CNTNAP5: variants seen among roughly 807,000 people sequenced by gnomAD.
CNTNAP5 encodes the protein contactin associated protein family member 5.
In CNTNAP5, 72 loss-of-function variants were observed where a neutral mutation model predicts 150.2. That is an observed-to-expected ratio of 0.48 (90% CI 0.40 to 0.58). CNTNAP5 has a LOEUF of 0.58. Ranked by LOEUF, CNTNAP5 falls within the 20% of genes least tolerant of loss-of-function variation. The pLI, the probability that CNTNAP5 is intolerant of heterozygous loss-of-function variation, is 0.00. For missense variants in CNTNAP5, 1,636 were observed against 1,626.2 expected (o/e 1.01, Z -0.10); for synonymous variants, 672 against 619.8 (o/e 1.08, Z -1.25).
chr2:124,156,755 C>T (rs1412642078), intron 1 of CNTNAP5, among the ~76,000 whole-genome samples: 1 of 152,158 alleles, frequency 6.6e-6, no homozygotes, highest in Non-Finnish European at 1.5e-5. Flanking sequence ...TCCCAAAGTG[C>T]TGGGATTACA....
chr2:124,501,356 A>C (rs1015549953), intron 7 of CNTNAP5, among the ~76,000 whole-genome samples: 1 of 152,232 alleles, frequency 6.6e-6, no homozygotes, highest in Non-Finnish European at 1.5e-5. Flanking sequence ...AATGGAATTA[A>C]ACATACAGAG....
At chr2:124,880,158 G>T (rs981331499) in intron 21 of CNTNAP5, among the ~76,000 whole-genome samples, 1 of 152,118 alleles carries the variant, frequency 6.6e-6, no homozygotes, top group Non-Finnish European at 1.5e-5. Flanking sequence ...ATAACGTAAA[G>T]CTCACTGTCA....
chr2:124,088,299 G>A (rs76522714), intron 1 of CNTNAP5, among the ~76,000 whole-genome samples: 14,694 of 151,766 alleles, frequency 0.097, 769 homozygotes, highest in Non-Finnish European at 0.12. Context: ...TTTATCTTCT[G>A]TTTATTTGCT....
intron 6 of CNTNAP5, among the ~76,000 whole-genome samples, chr2:124,460,322 A>C (rs1275656640): frequency 1.3e-5 from 2 of 152,226 alleles, no homozygotes; most frequent in Non-Finnish European, 2.9e-5. Context: ...TACTCCATCC[A>C]GAAAAGTACT....
intron 1 of CNTNAP5, among the ~76,000 whole-genome samples, chr2:124,181,726 A>G (rs1685213513): frequency 6.6e-6 from 1 of 152,204 alleles, no homozygotes; most frequent in Non-Finnish European, 1.5e-5. Flanking sequence ...AATAGAAATC[A>G]TGTATCTCCT....
At chr2:124,342,833 A>G (rs922350663) in intron 3 of CNTNAP5, among the ~76,000 whole-genome samples, 5 of 148,542 alleles carry the variant, frequency 3.4e-5, no homozygotes, top group Non-Finnish European at 7.5e-5. Flanking sequence ...TTCAAACAGA[A>G]AGTTGTAAAA....
intron 11 of CNTNAP5, among the ~76,000 whole-genome samples, chr2:124,591,166 G>C (rs1319083048): frequency 6.6e-6 from 1 of 152,026 alleles, no homozygotes. Flanking sequence ...TGCAACAATA[G>C]GTTTACTAGT....
chr2:124,187,134 T>TA (rs1685352264), intron 1 of CNTNAP5, among the ~76,000 whole-genome samples: 1 of 151,264 alleles, frequency 6.6e-6, no homozygotes, highest in African/African-American at 2.4e-5. Flanking sequence ...TCAAATGCAA[T>TA]AGAAGAGAAA....
chr2:124,440,357 C>T (rs1480416098), intron 5 of CNTNAP5, among the ~76,000 whole-genome samples: 2 of 151,578 alleles, frequency 1.3e-5, no homozygotes, highest in African/African-American at 4.8e-5. Context: ...TTTTTTTTGT[C>T]AAATACAATC....
intron 19 of CNTNAP5, among the ~76,000 whole-genome samples, chr2:124,844,547 G>A (rs933096690): frequency 2.6e-5 from 4 of 151,648 alleles, no homozygotes; most frequent in African/African-American, 7.3e-5. Flanking sequence ...AATGATGGTG[G>A]TGTTTTGATG....
At chr2:124,114,441 C>T (rs562030952) in intron 1 of CNTNAP5, among the ~76,000 whole-genome samples, 17 of 151,930 alleles carry the variant, frequency 1.1e-4, no homozygotes, top group Middle Eastern at 3.4e-3. Flanking sequence ...TACTGGTATA[C>T]GGAAGTAAAT....
chr2:124,819,222 G>C (rs944198955), intron 19 of CNTNAP5, among the ~76,000 whole-genome samples: 1 of 152,132 alleles, frequency 6.6e-6, no homozygotes, highest in Non-Finnish European at 1.5e-5. Context: ...GTAAGCTTTG[G>C]AGGGCACAGA....
intron 1 of CNTNAP5, among the ~76,000 whole-genome samples, chr2:124,036,306 G>A (rs952462982): frequency 2.0e-5 from 3 of 152,058 alleles, no homozygotes; most frequent in African/African-American, 7.2e-5. Context: ...TAATTCACAA[G>A]GGAAAAGGAA....
intron 19 of CNTNAP5, among the ~76,000 whole-genome samples, chr2:124,809,791 A>G (rs1000387007): frequency 7.9e-5 from 12 of 152,192 alleles, no homozygotes; most frequent in Non-Finnish European, 1.2e-4. Flanking sequence ...TTACAGAAAG[A>G]GAGAATAAAT....
intron 3 of CNTNAP5, among the ~76,000 whole-genome samples, chr2:124,285,624 A>T (rs1346168456): frequency 1.3e-5 from 2 of 150,424 alleles, no homozygotes; most frequent in Non-Finnish European, 3.0e-5. Context: ...ACATGGAAAA[A>T]CCCCATCCTC....
rs1291487665 is a variant in CNTNAP5, at chr2:124,030,436, T to TA, written c.82+4710dup. Among the ~76,000 whole-genome samples, 7 of 152,144 alleles carry TA rather than the reference T, an allele frequency of 4.6e-5. No individual in the cohort carries two copies. In the East Asian group the frequency reaches 1.4e-3, roughly 29 times the overall value. On this transcript the variant is annotated intron_variant, in intron 1 of 23. Coordinates refer to ENST00000682447, the MANE Select transcript of CNTNAP5 (RefSeq NM_001367498.1). ...TCCTCAAGATCACAGATCTAAACAA[T>TA]AAAAAATCAACATCTGGACCTATAT...
intron 13 of CNTNAP5, among the ~76,000 whole-genome samples, chr2:124,681,798 G>A (rs939273076): frequency 9.2e-5 from 14 of 152,096 alleles, no homozygotes; most frequent in East Asian, 1.9e-4. Context: ...TCCTGACCTC[G>A]TGATCTGCCC....
rs141370952 is a variant in CNTNAP5, at chr2:124,446,151, C to T, written c.734-602C>T. On this transcript the variant is annotated intron_variant, in intron 5 of 23. Transcript: ENST00000682447. ...ATTCAAGTTCTGACCGTACCTGAGG[C>T]ATGCATGTCTCACCTCCCTGAGCCT... Among the ~76,000 whole-genome samples, 685 of 152,260 alleles carry T rather than the reference C, an allele frequency of 4.5e-3. 7 individuals are homozygous for T. Among genetic ancestry groups the T allele is most frequent in the African/African-American group, 0.016 (645 of 41,532 alleles).
At chr2:124,610,735 C>G (rs186358391) in intron 12 of CNTNAP5, among the ~76,000 whole-genome samples, 4 of 152,068 alleles carry the variant, frequency 2.6e-5, no homozygotes. Context: ...CCTAGGCAGG[C>G]AGACCACGAG....
Sources: gnomAD v4.1 joint callset for allele counts (sites outside exome capture counted in the v4.1 genomes callset) on GRCh38, gnomAD v4.1.1 for gene constraint, MANE v1.5 for transcripts, NCBI Gene and HGNC (gene_info 2026-07-23, HGNC 2026-07-21) for gene names.